Variants in EPHB2 observed in about 807,000 individuals in gnomAD.
EPHB2 encodes EPH receptor B2, also known as ephrin type-B receptor 2.
In EPHB2, 18 loss-of-function variants were observed where a neutral mutation model predicts 96.4. The observed-to-expected ratio is 0.19, with a 90% CI of 0.13 to 0.28. The LOEUF (loss-of-function observed/expected upper bound fraction) is 0.28. Among genes scored for constraint, EPHB2 ranks in the 10% least tolerant of loss-of-function variants. The pLI, the probability that EPHB2 is intolerant of heterozygous loss-of-function variation, is 1.00. For missense variants in EPHB2, 989 were observed against 1,355.4 expected (o/e 0.73, Z 4.25); for synonymous variants, 506 against 534.1 (o/e 0.95, Z 0.72).
chr1:22,872,291 C>T (rs1287999959), intron 5 of EPHB2, among the ~76,000 whole-genome samples: 1 of 152,082 alleles, frequency 6.6e-6, no homozygotes, highest in Non-Finnish European at 1.5e-5. Flanking sequence ...TCCCACTCTC[C>T]AACTCACTGG....
chr1:22,826,728 G>A (rs535563580), intron 3 of EPHB2, among the ~76,000 whole-genome samples: 17 of 149,678 alleles, frequency 1.1e-4, no homozygotes, highest in Non-Finnish European at 1.9e-4. Context: ...ACACAGGTCC[G>A]GACCCAGGGA....
intron 1 of EPHB2, among the ~76,000 whole-genome samples, chr1:22,723,616 C>CG (rs1037894806): frequency 6.6e-6 from 1 of 152,222 alleles, no homozygotes; most frequent in Non-Finnish European, 1.5e-5. Context: ...GAGGAGATAT[C>CG]GGGGGAAAGA....
At chr1:22,907,168 A>C (rs2124108050) in intron 11 of EPHB2, among the ~76,000 whole-genome samples, 1 of 152,314 alleles carries the variant, frequency 6.6e-6, no homozygotes, top group African/African-American at 2.4e-5. Context: ...GCAGTCCCAG[A>C]ATTCTTCTCA....
In EPHB2 at chr1:22,913,279, G is replaced by T; in HGVS notation, c.2853-183G>T. On this transcript the variant is annotated intron_variant, in intron 15 of 15. Transcript: ENST00000374630. This position sits in a 1 kb window ranked among gnomAD's most constrained non-coding sequence, Gnocchi z 4.1. ...TAGGGACCCTGATTCCGACTCAAGT[G>T]CTCTTCCACCTCACACCATAGTCGC... is the stretch of plus-strand genomic sequence containing the variant. 1 of 716,058 alleles carries T rather than the reference G, an allele frequency of 1.4e-6. No homozygotes were observed. 44.4% of individuals were successfully genotyped at this position (716,058 alleles called of 1,614,324 possible). A position where few individuals can be genotyped will look rare whatever the true frequency, so the allele number is the denominator to read the frequency against.
At chr1:22,781,517 TC>T in intron 2 of EPHB2, 32 bp downstream of exon 2, 2 of 1,609,350 alleles carry the variant, frequency 1.2e-6, no homozygotes, top group Non-Finnish European at 1.7e-6. Flanking sequence ...CTTGCATTGG[TC>T]CCCAGGATCC....
At position 22,881,152 on chromosome 1, in the gene EPHB2, G is replaced by A. The variant is rs147098310; in HGVS notation, c.1304-1207G>A. Among the ~76,000 whole-genome samples, 919 of 152,260 alleles carry A rather than the reference G, an allele frequency of 6.0e-3. 4 individuals are homozygous for A. The highest frequency in any genetic ancestry group is 0.02 in the African/African-American group (836 of 41,558). The stretch of plus-strand genomic sequence containing the variant: ...ACAGTGTCTCATGCCTATAACCCCA[G>A]CACTCTGGGAGACTGAGGCAGGCAG... On this transcript the variant is annotated intron_variant, in intron 5 of 15. Coordinates refer to ENST00000374630, the MANE Select transcript of EPHB2 (RefSeq NM_017449.5).
chr1:22,854,308 C>T (rs1645668155), intron 3 of EPHB2, among the ~76,000 whole-genome samples: 1 of 152,096 alleles, frequency 6.6e-6, no homozygotes, highest in Non-Finnish European at 1.5e-5. Context: ...CCCAAGAGTT[C>T]AAGACCAGCC....
At chr1:22,903,722 A>C (rs932321044) in intron 9 of EPHB2, among the ~76,000 whole-genome samples, 2 of 152,256 alleles carry the variant, frequency 1.3e-5, no homozygotes, top group Non-Finnish European at 2.9e-5. Flanking sequence ...AGGGCTCAGT[A>C]AGTGACAGCT....
Position 22,910,595 on chromosome 1 carries a change from C to T in EPHB2, c.2696+20C>T, listed in dbSNP as rs774730012. 7 of 1,613,196 alleles carry T rather than the reference C, an allele frequency of 4.3e-6. No homozygotes were observed. Among genetic ancestry groups the T allele is most frequent in the Middle Eastern group, 3.3e-4 (2 of 6,034 alleles). ...CTCTGGGTAAGGCCCCACCCTGGCCCTGCCCCAGCCAGGCCCTGCCCCTCT... is the reference window on the plus strand; with the variant it reads ...CTCTGGGTAAGGCCCCACCCTGGCCTTGCCCCAGCCAGGCCCTGCCCCTCT... On this transcript the variant is annotated intron_variant, in intron 14 of 15. Transcript: ENST00000374630.
At chr1:22,807,538 C>T (rs1644944107) in intron 3 of EPHB2, among the ~76,000 whole-genome samples, 1 of 152,122 alleles carries the variant, frequency 6.6e-6, no homozygotes, top group African/African-American at 2.4e-5. Flanking sequence ...GTCAGCTGGT[C>T]CAGCTCCCTC....
At chr1:22,742,226 T>C (rs1643912832) in intron 1 of EPHB2, among the ~76,000 whole-genome samples, 1 of 152,154 alleles carries the variant, frequency 6.6e-6, no homozygotes, top group African/African-American at 2.4e-5. Flanking sequence ...ATAGGGTCCC[T>C]GACATGAGGA....
chr1:22,736,144 T>G (rs1453467514), intron 1 of EPHB2, among the ~76,000 whole-genome samples: 1 of 152,178 alleles, frequency 6.6e-6, no homozygotes, highest in East Asian at 1.9e-4. Flanking sequence ...TCGTTGTTGC[T>G]GTCATAAGCA....
chr1:22,880,009 G>T (rs1638981156), intron 5 of EPHB2, among the ~76,000 whole-genome samples: 1 of 151,968 alleles, frequency 6.6e-6, no homozygotes, highest in Admixed American at 6.6e-5. Flanking sequence ...TGCGGGAGGG[G>T]AGTCTGGACC....
intron 3 of EPHB2, among the ~76,000 whole-genome samples, chr1:22,812,621 C>G: frequency 6.6e-6 from 1 of 152,130 alleles, no homozygotes; most frequent in East Asian, 1.9e-4. Context: ...GGCCCCACAG[C>G]CAGAAGGGCC....
intron 1 of EPHB2, among the ~76,000 whole-genome samples, chr1:22,721,261 C>A (rs1226489961): frequency 6.6e-6 from 1 of 152,214 alleles, no homozygotes; most frequent in Non-Finnish European, 1.5e-5. Flanking sequence ...GACCACTGAG[C>A]TCTGAGCGTT....
chr1:22,796,154 C>T (rs1469048884), intron 3 of EPHB2, among the ~76,000 whole-genome samples: 1 of 152,148 alleles, frequency 6.6e-6, no homozygotes, highest in African/African-American at 2.4e-5. Flanking sequence ...TCTTTTGGAC[C>T]CCACACTCCA....
At chr1:22,891,039 C>CGGTAA (rs755665689) in intron 6 of EPHB2, 5 of 455,680 alleles carry the variant, frequency 1.1e-5, no homozygotes, top group Non-Finnish European at 2.2e-5. Flanking sequence ...ATGTGCTTAC[C>CGGTAA]CTATCAGTGT....
At chr1:22,734,002 C>T (rs1416179444) in intron 1 of EPHB2, among the ~76,000 whole-genome samples, 1 of 152,198 alleles carries the variant, frequency 6.6e-6, no homozygotes, top group Non-Finnish European at 1.5e-5. Flanking sequence ...CTCCTGATCC[C>T]CAAAAACAAA....
intron 1 of EPHB2, among the ~76,000 whole-genome samples, chr1:22,753,694 C>G (rs568095655): frequency 6.7e-6 from 1 of 150,174 alleles, no homozygotes; most frequent in Non-Finnish European, 1.5e-5. Flanking sequence ...GCTGAGTGGA[C>G]GGGCCCCCTG....
Sources: allele counts gnomAD v4.1 joint callset (sites outside exome capture counted in the v4.1 genomes callset), GRCh38; gene constraint gnomAD v4.1.1; non-coding constraint Gnocchi (gnomAD v3.1); transcripts MANE v1.5; gene names NCBI Gene and HGNC (gene_info 2026-07-23, HGNC 2026-07-21).